HLCS: variants seen among roughly 807,000 people sequenced by gnomAD.
HLCS encodes biotin--protein ligase.
In HLCS, 53 loss-of-function variants were observed where a neutral mutation model predicts 75.0. That is an observed-to-expected ratio of 0.71 (90% confidence interval 0.57 to 0.89). The LOEUF is 0.89. Ranked by LOEUF, HLCS falls within the 40% of genes least tolerant of loss-of-function variation. The probability of loss-of-function intolerance (pLI) is 0.00; values close to 1 mark genes in which losing one functional copy is unlikely to be tolerated. For missense variants in HLCS, 966 were observed against 1,074.0 expected (o/e 0.90, Z 1.41); for synonymous variants, 431 against 428.6 (o/e 1.01, Z -0.07).
chr21:36,859,360 T>C (rs918745185), intron 6 of HLCS, among the ~76,000 whole-genome samples: 2 of 152,162 alleles, frequency 1.3e-5, no homozygotes, highest in Admixed American at 6.5e-5. Context: ...CATTCTTCCT[T>C]TCCTGACTTG....
chr21:36,913,761 T>TA (rs1056067560), intron 5 of HLCS, among the ~76,000 whole-genome samples: 34 of 150,906 alleles, frequency 2.3e-4, no homozygotes, highest in Non-Finnish European at 3.7e-4. Flanking sequence ...GACTCCATCT[T>TA]AAAAAAAAAG....
At chr21:36,777,056 T>C (rs1006495905) in intron 6 of HLCS, among the ~76,000 whole-genome samples, 12 of 152,362 alleles carry the variant, frequency 7.9e-5, no homozygotes, top group African/African-American at 2.9e-4. Flanking sequence ...TGTGGTCATT[T>C]GTTACGATTT....
chr21:36,814,325 T>C (rs2061597449), intron 6 of HLCS, among the ~76,000 whole-genome samples: 2 of 152,236 alleles, frequency 1.3e-5, no homozygotes, highest in East Asian at 1.9e-4. Context: ...AGGGCTATAC[T>C]ATCATTTTCT....
intron 1 of HLCS, among the ~76,000 whole-genome samples, chr21:36,972,426 A>T (rs2068816397): frequency 1.3e-5 from 2 of 152,306 alleles, no homozygotes; most frequent in South Asian, 4.1e-4. Context: ...TTGGGATTAC[A>T]GGCATGTGTC....
intron 6 of HLCS, among the ~76,000 whole-genome samples, chr21:36,844,843 C>T (rs1272576973): frequency 1.3e-5 from 2 of 152,142 alleles, no homozygotes; most frequent in Non-Finnish European, 2.9e-5. Context: ...TGTATGCATT[C>T]GGTGCTCCCT....
At chr21:36,952,457 C>CA (rs2067711475) in intron 2 of HLCS, among the ~76,000 whole-genome samples, 10 of 152,162 alleles carry the variant, frequency 6.6e-5, no homozygotes, top group African/African-American at 2.4e-4. Context: ...TGTGGCAATC[C>CA]TCCTTGTTGG....
chr21:36,812,916 G>A (rs542311765), intron 6 of HLCS, among the ~76,000 whole-genome samples: 38 of 152,144 alleles, frequency 2.5e-4, no homozygotes, highest in African/African-American at 8.7e-4. Flanking sequence ...AAAATTAGCC[G>A]GGCATGGTGC....
intron 6 of HLCS, among the ~76,000 whole-genome samples, chr21:36,834,657 G>T (rs573209154): frequency 1.3e-5 from 2 of 152,230 alleles, no homozygotes; most frequent in Non-Finnish European, 2.9e-5. Context: ...CTGGGTTCAA[G>T]CGAGTCTCCT....
intron 6 of HLCS, among the ~76,000 whole-genome samples, chr21:36,772,685 T>A (rs2060244934): frequency 6.7e-6 from 1 of 149,012 alleles, no homozygotes; most frequent in Non-Finnish European, 1.5e-5. Flanking sequence ...ACAGTGGTTA[T>A]CTCAAGAAGG....
In HLCS at chr21:36,909,477, C is replaced by T. The variant is rs150035576; in HGVS notation, c.1621-12346G>A. Among the ~76,000 whole-genome samples the T allele has an allele frequency of 6.6e-3, 1,005 of 152,328 alleles. 6 individuals carry two copies. Among genetic ancestry groups the T allele is most frequent in the Middle Eastern group, 0.02 (6 of 294 alleles). ...TTCTAAAGAGAGTGAATGCTTGAAT[C>T]TGTATCTAGTGCAAATTCACAGAAG... On this transcript the variant is annotated intron_variant, in intron 5 of 10. Transcript: ENST00000674895.
intron 1 of HLCS, chr21:36,986,739 G>C (rs2069236666): frequency 6.6e-6 from 1 of 152,182 alleles, no homozygotes; most frequent in Admixed American, 6.6e-5. Flanking sequence ...AACGTTTTCT[G>C]TATGATTAGT....
intron 6 of HLCS, among the ~76,000 whole-genome samples, chr21:36,769,224 G>A (rs1036954866): frequency 1.3e-5 from 2 of 152,212 alleles, no homozygotes; most frequent in Non-Finnish European, 2.9e-5. Context: ...AGTCTGTGCT[G>A]AAGGCCAAGA....
At chr21:36,823,857 C>T (rs1056610967) in intron 6 of HLCS, among the ~76,000 whole-genome samples, 1 of 152,132 alleles carries the variant, frequency 6.6e-6, no homozygotes, top group Admixed American at 6.6e-5. Context: ...AGGATAAAAA[C>T]AATTTGTTGT....
At chr21:36,902,691 G>A (rs2065287359) in intron 5 of HLCS, among the ~76,000 whole-genome samples, 1 of 152,190 alleles carries the variant, frequency 6.6e-6, no homozygotes, top group Non-Finnish European at 1.5e-5. Context: ...TGGGGAGGGA[G>A]GAACGAACAT....
chr21:36,924,202 GT>G (rs2146463222), intron 5 of HLCS, among the ~76,000 whole-genome samples: 2 of 152,336 alleles, frequency 1.3e-5, no homozygotes, highest in South Asian at 4.1e-4. Context: ...TCCACATCAA[GT>G]ACTATGTTAA....
upstream of HLCS, among the ~76,000 whole-genome samples, chr21:36,971,179 T>C (rs184714475): frequency 3.1e-3 from 468 of 152,258 alleles, 3 homozygotes; most frequent in Middle Eastern, 0.017. Context: ...TTAGAACATC[T>C]TTAACTATTG....
chr21:36,899,452 C>T (rs1272349662), intron 5 of HLCS, among the ~76,000 whole-genome samples: 1 of 151,792 alleles, frequency 6.6e-6, no homozygotes, highest in African/African-American at 2.4e-5. Flanking sequence ...GGTGAGACCC[C>T]GTCTCTAATA....
chr21:36,817,366 T>C lies in HLCS; in HGVS notation c.1893-50081A>G, dbSNP rs533118104. 2.0e-5 allele frequency among the ~76,000 whole-genome samples: 3 copies of C among 152,314 alleles called. No homozygotes were observed. In the East Asian group the frequency reaches 5.8e-4, roughly 29 times the overall value. On this transcript the variant is annotated intron_variant, in intron 6 of 10. Transcript: ENST00000674895. ...TGACCCTGCATTCACCTTAATTTGA[T>C]TTTCTGGGTTTTCGTCTTTTAAAAG...
At chr21:36,908,408 A>T (rs992383425) in intron 5 of HLCS, among the ~76,000 whole-genome samples, 1 of 148,778 alleles carries the variant, frequency 6.7e-6, no homozygotes, top group African/African-American at 2.5e-5. Context: ...AAAAAAAAAG[A>T]ATCTGACACT....
Sources: allele counts gnomAD v4.1 joint callset (sites outside exome capture counted in the v4.1 genomes callset), GRCh38; gene constraint gnomAD v4.1.1; transcripts MANE v1.5; gene names NCBI Gene and HGNC (gene_info 2026-07-23, HGNC 2026-07-21).